Variants in ANKS1B observed in about 807,000 individuals in gnomAD.
ANKS1B encodes ankyrin repeat and sterile alpha motif domain containing 1B, also known as ankyrin repeat and sterile alpha motif domain-containing protein 1B.
ANKS1B carries 36 observed loss-of-function variants against 148.3 expected under a neutral mutation model. The ratio of observed to expected loss-of-function variants is 0.24; its 90% CI spans 0.19 to 0.32. The LOEUF (loss-of-function observed/expected upper bound fraction) is 0.32. Ranked by LOEUF, ANKS1B falls within the 10% of genes least tolerant of loss-of-function variation. The probability of loss-of-function intolerance (pLI) is 1.00; values close to 1 mark genes in which losing one functional copy is unlikely to be tolerated. For missense variants in ANKS1B, 1,157 were observed against 1,542.6 expected, an observed-to-expected ratio of 0.75 and a Z score of 4.19; for synonymous variants, 542 against 560.8, an observed-to-expected ratio of 0.97 and a Z score of 0.47.
chr12:99,894,521 A>AC (rs34503284), intron 1 of ANKS1B, among the ~76,000 whole-genome samples: 29,328 of 145,404 alleles, frequency 0.2, 3,335 homozygotes, highest in Non-Finnish European at 0.23. Context: ...AAAAAAAAAA[A>AC]AAAAAAAAAC....
At chr12:99,576,553 TA>T (rs946788255) in intron 9 of ANKS1B, among the ~76,000 whole-genome samples, 4 of 151,962 alleles carry the variant, frequency 2.6e-5, no homozygotes, top group African/African-American at 9.7e-5. Flanking sequence ...CACAGCACAG[TA>T]AAAATAGAAA....
chr12:99,014,809 A>G (rs1357908872), intron 17 of ANKS1B, among the ~76,000 whole-genome samples: 1 of 152,232 alleles, frequency 6.6e-6, no homozygotes, highest in African/African-American at 2.4e-5. Flanking sequence ...TTCAAATCAA[A>G]GCCACAATAA....
intron 17 of ANKS1B, among the ~76,000 whole-genome samples, chr12:98,953,143 C>T (rs2099856595): frequency 6.6e-6 from 1 of 152,114 alleles, no homozygotes; most frequent in Admixed American, 6.5e-5. Context: ...GCCTCAGCCT[C>T]CTGAGTAGCT....
chr12:98,745,870 T>C (rs112027412), intron 26 of ANKS1B, 21 bp from the exon 27 acceptor site: 1 of 1,608,934 alleles, frequency 6.2e-7, no homozygotes. Context: ...GAAAGGCTGA[T>C]GCCTGTTATA....
At chr12:99,553,104 C>T (rs141635739) in intron 9 of ANKS1B, among the ~76,000 whole-genome samples, 8 of 152,268 alleles carry the variant, frequency 5.3e-5, no homozygotes, top group South Asian at 2.1e-4. Flanking sequence ...TCCAATAAAA[C>T]ATTCATGCAT....
intron 6 of ANKS1B, among the ~76,000 whole-genome samples, chr12:99,777,872 T>C (rs7299719): frequency 1 from 151,452 of 151,846 alleles, 75,530 homozygotes; most frequent in East Asian, 1. Context: ...GCATGAGCCA[T>C]CGCGCCTGGC....
intron 10 of ANKS1B, among the ~76,000 whole-genome samples, chr12:99,469,108 A>C (rs1189158866): frequency 2.6e-5 from 4 of 151,996 alleles, no homozygotes; most frequent in Non-Finnish European, 5.9e-5. Context: ...TACTATGCAG[A>C]CATAAAAAAG....
chr12:99,787,286 G>T (rs1263575893), intron 4 of ANKS1B, among the ~76,000 whole-genome samples: 2 of 152,108 alleles, frequency 1.3e-5, no homozygotes, highest in African/African-American at 2.4e-5. Flanking sequence ...GTTCTCACAA[G>T]ATCTAATGGT....
intron 12 of ANKS1B, among the ~76,000 whole-genome samples, chr12:99,359,816 A>G (rs879787355): frequency 3.9e-5 from 6 of 152,148 alleles, no homozygotes; most frequent in Non-Finnish European, 8.8e-5. Flanking sequence ...TTTAGTGTAA[A>G]CCACGTTTAA....
chr12:99,912,322 A>C (rs541720316), intron 1 of ANKS1B, among the ~76,000 whole-genome samples: 1 of 150,742 alleles, frequency 6.6e-6, no homozygotes, highest in South Asian at 2.1e-4. Context: ...TTACATAGGA[A>C]CCCAAAGCAC....
Position 99,704,156 on chromosome 12 carries a change from A to C in ANKS1B, c.1129-48946T>G, listed in dbSNP as rs532356333. ...AATAAGAACAGAAAGTATGAACATA[A>C]TCAGCCCTGTTCTCTGACAGGTGGG... On this transcript the variant is annotated intron_variant, in intron 8 of 26. Transcript: ENST00000683438. 9.2e-5 allele frequency among the ~76,000 whole-genome samples: 14 copies of C among 152,224 alleles called. 1 individual carries two copies. The South Asian group carries it at 2.3e-3, about 25-fold the overall frequency.
chr12:99,258,348 A>C (rs1176433867), intron 12 of ANKS1B, among the ~76,000 whole-genome samples: 1 of 152,106 alleles, frequency 6.6e-6, no homozygotes, highest in African/African-American at 2.4e-5. Flanking sequence ...CCCCCTAAAA[A>C]GTATATTTAT....
chr12:99,227,993 G>A (rs61940209), intron 14 of ANKS1B, among the ~76,000 whole-genome samples: 4,110 of 152,092 alleles, frequency 0.027, 81 homozygotes, highest in Middle Eastern at 0.061. Flanking sequence ...AAATACTTGA[G>A]ATTTATTGGT....
In ANKS1B at chr12:99,806,020, T is replaced by C. The variant is rs2067601584; in HGVS notation, c.669+384A>G. On this transcript the variant is annotated intron_variant, in intron 4 of 26. Coordinates refer to ENST00000683438, the MANE Select transcript of ANKS1B (RefSeq NM_001352186.2). ...GAATTGAATTCTAAATGTGTCAACA[T>C]GCTAAACACAAAGTACATACTCAAC... Among the ~76,000 whole-genome samples, 3 of 152,240 alleles carry C rather than the reference T, an allele frequency of 2.0e-5. No homozygotes were observed. The South Asian group carries it at 6.2e-4, about 32-fold the overall frequency.
chr12:99,685,747 C>CAT (rs149096040), intron 8 of ANKS1B, among the ~76,000 whole-genome samples: 26,060 of 150,414 alleles, frequency 0.17, 3,178 homozygotes, highest in East Asian at 0.46. Flanking sequence ...TGTGTGTATA[C>CAT]ATATATATAT....
chr12:99,087,919 C>G (rs1057324025), intron 15 of ANKS1B, among the ~76,000 whole-genome samples: 8 of 85,188 alleles, frequency 9.4e-5, no homozygotes, highest in African/African-American at 3.0e-4. Context: ...CTCCAATATG[C>G]TATTTTCTGT....
intron 17 of ANKS1B, among the ~76,000 whole-genome samples, chr12:98,887,566 A>C (rs753235006): frequency 6.6e-6 from 1 of 152,216 alleles, no homozygotes; most frequent in Middle Eastern, 3.4e-3. Context: ...GAAGTTCAAC[A>C]ATTATTTAGT....
chr12:99,417,244 G>A (rs944254758), intron 11 of ANKS1B, among the ~76,000 whole-genome samples: 3 of 152,104 alleles, frequency 2.0e-5, no homozygotes, highest in East Asian at 1.9e-4. Flanking sequence ...TAAGCCATAT[G>A]ACTTAGGTCA....
intron 19 of ANKS1B, among the ~76,000 whole-genome samples, chr12:98,820,731 T>C (rs929287903): frequency 6.6e-6 from 1 of 152,222 alleles, no homozygotes; most frequent in South Asian, 2.1e-4. Flanking sequence ...CCATAATTCC[T>C]TTTCCAAAGA....
Sources: gnomAD v4.1 joint callset for allele counts (sites outside exome capture counted in the v4.1 genomes callset) on GRCh38, gnomAD v4.1.1 for gene constraint, MANE v1.5 for transcripts, NCBI Gene and HGNC (gene_info 2026-07-23, HGNC 2026-07-21) for gene names.